Variants in ZRANB3 observed in about 807,000 individuals in gnomAD.
ZRANB3 encodes zinc finger RANBP2-type containing 3, also known as DNA annealing helicase and endonuclease ZRANB3.
A neutral mutation model predicts 133.8 loss-of-function variants in ZRANB3; 125 were observed. That is an observed-to-expected ratio of 0.93 (90% confidence interval 0.81 to 1.08). The LOEUF (loss-of-function observed/expected upper bound fraction) is 1.08, where lower values mean the gene tolerates loss of function less well. ZRANB3 is among the 50% of genes least tolerant of loss of function. ZRANB3 has a pLI of 0.00. For missense variants in ZRANB3, 1,229 were observed against 1,275.5 expected (o/e 0.96, Z 0.56); for synonymous variants, 387 against 432.7 (o/e 0.89, Z 1.31).
At chr2:135,258,397 A>C (rs943757834) in intron 12 of ZRANB3, among the ~76,000 whole-genome samples, 2 of 152,186 alleles carry the variant, frequency 1.3e-5, no homozygotes, top group African/African-American at 4.8e-5. Flanking sequence ...TGCAGGAAGG[A>C]GGAGCCTGCC....
At chr2:135,280,198 T>C (rs918786692) in intron 8 of ZRANB3, among the ~76,000 whole-genome samples, 5 of 152,232 alleles carry the variant, frequency 3.3e-5, no homozygotes, top group African/African-American at 4.8e-5. Context: ...TTACTAGAAT[T>C]GATCTGTTAG....
intron 2 of ZRANB3, among the ~76,000 whole-genome samples, chr2:135,436,577 A>G (rs1030423221): frequency 2.6e-5 from 4 of 152,196 alleles, no homozygotes; most frequent in Non-Finnish European, 5.9e-5. Flanking sequence ...GATCTCTACA[A>G]TGAGAATTAC....
chr2:135,288,158 G>A (rs1681480041), intron 8 of ZRANB3, among the ~76,000 whole-genome samples: 1 of 152,100 alleles, frequency 6.6e-6, no homozygotes, highest in South Asian at 2.1e-4. Flanking sequence ...GCTGGATTTT[G>A]TCAAATGCCT....
chr2:135,521,479 C>T (rs537030933), intron 1 of ZRANB3, among the ~76,000 whole-genome samples: 4 of 152,172 alleles, frequency 2.6e-5, no homozygotes, highest in Admixed American at 2.6e-4. Context: ...TTACGGTGAG[C>T]CAAGATCGTG....
chr2:135,200,086 A>G lies in ZRANB3; in HGVS notation c.*256T>C. On this transcript the variant is annotated 3_prime_UTR_variant, in exon 21 of 21. Coordinates refer to ENST00000264159, the MANE Select transcript of ZRANB3 (RefSeq NM_032143.4). Reference sequence around the variant, plus strand: ...CATATTAGGGGTAAAGAGCTTTACAAAACATTGCTGAAACATAATTGCGAG... The same window carrying G: ...CATATTAGGGGTAAAGAGCTTTACAGAACATTGCTGAAACATAATTGCGAG... The G allele has an allele frequency of 1.9e-6, 1 of 536,840 alleles. No individual in the cohort carries two copies. Among genetic ancestry groups the G allele is most frequent in the Non-Finnish European group, 3.4e-6 (1 of 296,354 alleles). 33.3% of individuals were successfully genotyped at this position (536,840 alleles called of 1,614,324 possible).
At chr2:135,379,681 A>G (rs1558955535) in intron 3 of ZRANB3, among the ~76,000 whole-genome samples, 1 of 152,184 alleles carries the variant, frequency 6.6e-6, no homozygotes, top group Non-Finnish European at 1.5e-5. Context: ...GGAAAGAATC[A>G]ACCGGTACCA....
intron 6 of ZRANB3, among the ~76,000 whole-genome samples, chr2:135,342,073 T>A (rs908776486): frequency 2.7e-5 from 4 of 149,920 alleles, no homozygotes; most frequent in Non-Finnish European, 5.9e-5. Context: ...CCCTACCTTT[T>A]GAAAATCGCT....
chr2:135,282,316 TC>T (rs146133404), intron 8 of ZRANB3, among the ~76,000 whole-genome samples: 6,051 of 152,276 alleles, frequency 0.04, 136 homozygotes, highest in African/African-American at 0.048. Flanking sequence ...GACATTGTCT[TC>T]CGGTATCCCT....
chr2:135,294,925 C>T (rs1681965691), intron 8 of ZRANB3, among the ~76,000 whole-genome samples: 1 of 152,100 alleles, frequency 6.6e-6, no homozygotes. Flanking sequence ...GTTTCTTAAT[C>T]CTGAGTTTTA....
chr2:135,355,650 C>T (rs1685400582), intron 3 of ZRANB3, among the ~76,000 whole-genome samples: 1 of 152,140 alleles, frequency 6.6e-6, no homozygotes, highest in African/African-American at 2.4e-5. Flanking sequence ...AGCCACCGCG[C>T]CCGGCCAACA....
At chr2:135,266,841 C>A (rs1680272433) in intron 11 of ZRANB3, among the ~76,000 whole-genome samples, 1 of 152,120 alleles carries the variant, frequency 6.6e-6, no homozygotes, top group Admixed American at 6.6e-5. Flanking sequence ...GGATGCTTTA[C>A]CTGCCTAAGA....
chr2:135,339,119 A>C (rs889225203), intron 6 of ZRANB3, among the ~76,000 whole-genome samples: 1 of 152,094 alleles, frequency 6.6e-6, no homozygotes, highest in Non-Finnish European at 1.5e-5. Flanking sequence ...TACAAAAAAA[A>C]ATTTTTTAAT....
At chr2:135,334,032 T>TC (rs1414515618) in intron 6 of ZRANB3, among the ~76,000 whole-genome samples, 1 of 152,168 alleles carries the variant, frequency 6.6e-6, no homozygotes, top group Non-Finnish European at 1.5e-5. Flanking sequence ...CCTACCTAAC[T>TC]CCGTCACTAT....
intron 1 of ZRANB3, among the ~76,000 whole-genome samples, chr2:135,524,992 A>C (rs1694092973): frequency 6.6e-6 from 1 of 152,104 alleles, no homozygotes; most frequent in African/African-American, 2.4e-5. Context: ...ATTTCTAAGC[A>C]TCACAAATAA....
At chr2:135,330,941 T>C (rs945956213) in intron 6 of ZRANB3, among the ~76,000 whole-genome samples, 6 of 152,200 alleles carry the variant, frequency 3.9e-5, no homozygotes, top group Admixed American at 3.3e-4. Context: ...CTTCTCTCTT[T>C]TCTTCATTAG....
chr2:135,419,141 G>C (rs1280995982), intron 2 of ZRANB3, among the ~76,000 whole-genome samples: 1 of 151,282 alleles, frequency 6.6e-6, no homozygotes, highest in Non-Finnish European at 1.5e-5. Flanking sequence ...GTTTCACCAT[G>C]TTAGCCAGGA....
chr2:135,447,344 TTTA>T (rs1690067886), intron 2 of ZRANB3, among the ~76,000 whole-genome samples: 1 of 152,108 alleles, frequency 6.6e-6, no homozygotes, highest in Non-Finnish European at 1.5e-5. Flanking sequence ...TGGCCAACAC[TTTA>T]TTAAGTTTTA....
chr2:135,321,681 T>C (rs928610972), intron 6 of ZRANB3, among the ~76,000 whole-genome samples: 2 of 152,128 alleles, frequency 1.3e-5, no homozygotes, highest in African/African-American at 4.8e-5. Flanking sequence ...GGTTTTGCCA[T>C]GTTGGCCAGG....
intron 6 of ZRANB3, among the ~76,000 whole-genome samples, chr2:135,316,453 C>G (rs2104828209): frequency 6.6e-6 from 1 of 152,246 alleles, no homozygotes; most frequent in Admixed American, 6.5e-5. Context: ...CTACCCACTA[C>G]TGAAAACAGC....
Sources: allele counts gnomAD v4.1 joint callset (sites outside exome capture counted in the v4.1 genomes callset), GRCh38; gene constraint gnomAD v4.1.1; transcripts MANE v1.5; gene names NCBI Gene and HGNC (gene_info 2026-07-23, HGNC 2026-07-21).